Variants in AUTS2 observed in about 807,000 individuals in gnomAD.
AUTS2 encodes the protein autism susceptibility gene 2 protein.
A neutral mutation model predicts 112.4 loss-of-function variants in AUTS2; 17 were observed. That is an observed-to-expected ratio of 0.15 (90% CI 0.10 to 0.23). The LOEUF is 0.23. AUTS2 is among the 10% of genes least tolerant of loss of function. The pLI is 1.00. For missense variants in AUTS2, 1,510 were observed against 1,701.6 expected (o/e 0.89, Z 1.98); for synonymous variants, 751 against 702.7 (o/e 1.07, Z -1.09).
intron 1 of AUTS2, among the ~76,000 whole-genome samples, chr7:69,649,790 G>A (rs747503874): frequency 8.5e-5 from 13 of 152,178 alleles, no homozygotes; most frequent in Non-Finnish European, 1.6e-4. Context: ...ATATAAGGAG[G>A]CGAATCTAAC....
intron 4 of AUTS2, among the ~76,000 whole-genome samples, chr7:70,321,079 A>G (rs775239725): frequency 4.6e-5 from 7 of 152,202 alleles, no homozygotes; most frequent in Non-Finnish European, 1.0e-4. Flanking sequence ...GCACCAGTCT[A>G]AGTGCTTCAC....
At chr7:70,421,005 A>C (rs1385129395) in intron 4 of AUTS2, among the ~76,000 whole-genome samples, 1 of 152,136 alleles carries the variant, frequency 6.6e-6, no homozygotes, top group African/African-American at 2.4e-5. Context: ...TGCTAGAAAA[A>C]TTTTCTCTTT....
rs547646379 is a variant in AUTS2 at position 69,867,820 on chromosome 7, T to C, written c.310-31466T>C. Among the ~76,000 whole-genome samples, 126 of 152,182 alleles carry C rather than the reference T, an allele frequency of 8.3e-4. 1 individual carries two copies. The highest frequency in any genetic ancestry group is 6.8e-3 in the Middle Eastern group (2 of 294). ...TCCTCCTAAATTAAACCAACAGGAGTCATTTGAAATAGGCGCAGTGCCAGA... is the reference window on the plus strand; with the variant it reads ...TCCTCCTAAATTAAACCAACAGGAGCCATTTGAAATAGGCGCAGTGCCAGA... On this transcript the variant is annotated intron_variant, in intron 1 of 18. Coordinates refer to ENST00000342771, the MANE Select transcript of AUTS2 (RefSeq NM_015570.4).
In AUTS2 at chr7:69,973,582, C is replaced by G. The variant is rs549283369; in HGVS notation, c.522+74084C>G. 5.3e-5 allele frequency among the ~76,000 whole-genome samples: 8 copies of G among 152,184 alleles called. No homozygotes were observed. The East Asian group carries it at 1.2e-3, about 22-fold the overall frequency. ...TAGCTGTAGGATTTTTCTCTATGTT[C>G]TTTATCAAATTGAAGTAGTTCCTTT... On this transcript the variant is annotated intron_variant, in intron 2 of 18. Transcript: ENST00000342771.
rs1789662120 is a variant in AUTS2, at chr7:70,762,982, C to T, written c.855C>T (p.Cys285=). Residue 285 remains cysteine (C), a synonymous_variant, in exon 7 of 19, where the codon TGC becomes TGT. Coordinates refer to ENST00000342771, the MANE Select transcript of AUTS2 (RefSeq NM_015570.4). ...GCCAGGAGAAGAGCCAGGACTGTTGCAAAGAGCCAATCTTTGAGCCTGTGG... is the reference window on the plus strand; with the variant it reads ...GCCAGGAGAAGAGCCAGGACTGTTGTAAAGAGCCAATCTTTGAGCCTGTGG... ...ERSQEKSQDC[C]KEPIFEPVVL... The T allele has an allele frequency of 1.9e-6, 3 of 1,614,132 alleles. No individual in the cohort carries two copies. In the East Asian group the frequency reaches 6.7e-5, roughly 36 times the overall value.
chr7:69,881,085 G>A (rs998977184), intron 1 of AUTS2, among the ~76,000 whole-genome samples: 2 of 152,162 alleles, frequency 1.3e-5, no homozygotes, highest in Admixed American at 1.3e-4. Flanking sequence ...TTAGATTATG[G>A]TTAAGCAGCT....
intron 5 of AUTS2, among the ~76,000 whole-genome samples, chr7:70,446,858 G>A (rs549374210): frequency 6.6e-6 from 1 of 152,250 alleles, no homozygotes; most frequent in Admixed American, 6.5e-5. Flanking sequence ...AAAGAAGCAG[G>A]GAAAGACTCT....
At chr7:70,367,870 G>A (rs1360474077) in intron 4 of AUTS2, among the ~76,000 whole-genome samples, 1 of 152,294 alleles carries the variant, frequency 6.6e-6, no homozygotes, top group East Asian at 1.9e-4. Flanking sequence ...TCAGGAGAAT[G>A]ATGAGAGTAG....
intron 4 of AUTS2, among the ~76,000 whole-genome samples, chr7:70,166,025 C>T (rs1156547343): frequency 6.6e-6 from 1 of 152,166 alleles, no homozygotes; most frequent in East Asian, 1.9e-4. Context: ...TGCTTGCTCT[C>T]TCCTGCTCCC....
chr7:70,682,077 G>A (rs1197090446), intron 5 of AUTS2, among the ~76,000 whole-genome samples: 1 of 152,190 alleles, frequency 6.6e-6, no homozygotes, highest in Non-Finnish European at 1.5e-5. Context: ...AGATCCTCTT[G>A]ACTCTGAGTG....
chr7:70,652,110 G>C (rs545771305), intron 5 of AUTS2, among the ~76,000 whole-genome samples: 1 of 152,280 alleles, frequency 6.6e-6, no homozygotes, highest in Admixed American at 6.5e-5. Flanking sequence ...TTATTTATGA[G>C]TGACTAAGTG....
At chr7:70,342,454 A>T (rs1791310078) in intron 4 of AUTS2, among the ~76,000 whole-genome samples, 1 of 151,986 alleles carries the variant, frequency 6.6e-6, no homozygotes, top group South Asian at 2.1e-4. Context: ...GGGTGACAAT[A>T]TTGAATTTCC....
intron 2 of AUTS2, among the ~76,000 whole-genome samples, chr7:69,916,126 A>G (rs542668220): frequency 5.9e-5 from 9 of 152,208 alleles, no homozygotes; most frequent in South Asian, 2.1e-4. Context: ...CTAATTTACT[A>G]TCAAGTTATT....
intron 1 of AUTS2, among the ~76,000 whole-genome samples, chr7:69,620,475 A>G (rs1793602227): frequency 6.6e-6 from 1 of 152,170 alleles, no homozygotes; most frequent in South Asian, 2.1e-4. Context: ...AGTTTGAGGG[A>G]AAAAAATTAC....
intron 4 of AUTS2, among the ~76,000 whole-genome samples, chr7:70,281,409 G>A (rs1222745778): frequency 2.6e-5 from 4 of 152,208 alleles, no homozygotes; most frequent in Non-Finnish European, 4.4e-5. Flanking sequence ...TTGGCCCAGT[G>A]GAGGTTCCCT....
intron 1 of AUTS2, among the ~76,000 whole-genome samples, chr7:69,852,825 A>G (rs2129530073): frequency 6.6e-6 from 1 of 152,228 alleles, no homozygotes; most frequent in East Asian, 1.9e-4. Context: ...TAAACTTGGT[A>G]TGTTGTAATT....
At chr7:70,597,257 A>G (rs529748529) in intron 5 of AUTS2, among the ~76,000 whole-genome samples, 28 of 152,354 alleles carry the variant, frequency 1.8e-4, no homozygotes, top group Admixed American at 1.6e-3. Flanking sequence ...CGGCTTAGAA[A>G]TGATTGGGTA....
At chr7:70,650,972 A>T (rs1362888827) in intron 5 of AUTS2, among the ~76,000 whole-genome samples, 1 of 152,224 alleles carries the variant, frequency 6.6e-6, no homozygotes, top group East Asian at 1.9e-4. Context: ...CAATGGACAG[A>T]GAGGAAGGAG....
At chr7:69,710,452 C>T (rs1296113335) in intron 1 of AUTS2, among the ~76,000 whole-genome samples, 2 of 152,170 alleles carry the variant, frequency 1.3e-5, no homozygotes, top group African/African-American at 4.8e-5. Context: ...TGGCTTCCAC[C>T]TTGATCTGTT....
Sources: allele counts gnomAD v4.1 joint callset (sites outside exome capture counted in the v4.1 genomes callset), GRCh38; gene constraint gnomAD v4.1.1; transcripts MANE v1.5; gene names NCBI Gene and HGNC (gene_info 2026-07-23, HGNC 2026-07-21).